ACTA2: variants seen among roughly 807,000 people sequenced by gnomAD.
ACTA2 encodes the protein actin alpha 2, smooth muscle, also known as actin, aortic smooth muscle.
Under a neutral mutation model 39.5 loss-of-function variants are expected in ACTA2, and 12 were observed. The observed-to-expected ratio is 0.30, with a 90% CI of 0.19 to 0.49. The LOEUF (loss-of-function observed/expected upper bound fraction) is 0.49. Ranked by LOEUF, ACTA2 falls within the 20% of genes least tolerant of loss-of-function variation. The pLI, the probability that ACTA2 is intolerant of heterozygous loss-of-function variation, is 0.99. For missense variants in ACTA2, 236 were observed against 498.8 expected, an observed-to-expected ratio of 0.47 and a Z score of 5.02; for synonymous variants, 158 against 180.6, an observed-to-expected ratio of 0.88 and a Z score of 1.00.
upstream of ACTA2, among the ~76,000 whole-genome samples, chr10:88,954,923 A>G (rs1846109448): frequency 6.6e-6 from 1 of 151,724 alleles, no homozygotes; most frequent in Admixed American, 6.6e-5. Flanking sequence ...GTGTGTGCAA[A>G]GATATCTCCA....
At chr10:88,937,756 A>G (rs1013079198) in intron 8 of ACTA2, among the ~76,000 whole-genome samples, 2 of 152,248 alleles carry the variant, frequency 1.3e-5, no homozygotes, top group Non-Finnish European at 2.9e-5. Flanking sequence ...TGTCGAGAAA[A>G]ACAACAAAAT....
intron 8 of ACTA2, among the ~76,000 whole-genome samples, chr10:88,936,979 T>G (rs879548022): frequency 6.6e-6 from 1 of 152,170 alleles, no homozygotes; most frequent in African/African-American, 2.4e-5. Flanking sequence ...ACTCTAGCAA[T>G]AGCCTCTTTC....
At chr10:88,974,540 C>T (rs1017312781) in intron 1 of ACTA2, 1 of 152,056 alleles carries the variant, frequency 6.6e-6, no homozygotes, top group African/African-American at 2.4e-5. Context: ...TTAATAGTAA[C>T]AAGGTCTCAC....
In ACTA2 at chr10:88,939,688, C is replaced by G; in HGVS notation, c.627G>C (p.Glu209Asp). ...GTTTCTCCTTGATGTCCCGGACAAT[C>G]TCACGCTCAGCTGTCAACCAGATAC... ...GYSFVTTAEREIVRDIKEKLC... is the reference protein window; with the variant it reads ...GYSFVTTAERDIVRDIKEKLC... The change falls in exon 7 of 9, where the codon GAG (glutamate) becomes GAC (aspartate). Residue 209 changes from glutamate (E) to aspartate (D), a missense_variant. Physicochemically the swap from Glu to Asp is conservative, Grantham distance 45 (BLOSUM62 2). Transcript: ENST00000224784. 1 of 1,614,026 alleles carries G rather than the reference C, an allele frequency of 6.2e-7. No homozygotes were observed. Among genetic ancestry groups the G allele is most frequent in the Non-Finnish European group, 8.5e-7 (1 of 1,179,952 alleles).
chr10:88,990,742 G>GGGCACT lies in ACTA2; in HGVS notation c.-24+191_-24+196dup. On this transcript the variant is annotated intron_variant, in intron 1 of 4. Coordinates refer to the ACTA2 transcript ENST00000415557. The surrounding 1 kb of genome is among the most constrained non-coding windows in gnomAD (Gnocchi z 4.9). ...GTGACTTGGCTGGAGCCTCAGGGGCGGGCACTGGCACGGAACACACCCTGA... is the reference window on the plus strand; with the variant it reads ...GTGACTTGGCTGGAGCCTCAGGGGCGGGCACTGGCACTGGCACGGAACACACCCTGA... 9.7e-7 allele frequency: 1 copy of GGGCACT among 1,035,172 alleles called. No homozygotes were observed. Among genetic ancestry groups the GGGCACT allele is most frequent in the Non-Finnish European group, 1.5e-6 (1 of 669,764 alleles). The allele number at this position is 1,035,172 out of a possible 1,614,324, so 64.1% of individuals were successfully genotyped here.
chr10:88,950,351 T>G (rs1429403356), intron 1 of ACTA2, among the ~76,000 whole-genome samples: 1 of 152,108 alleles, frequency 6.6e-6, no homozygotes, highest in African/African-American at 2.4e-5. Context: ...CAAATCCATA[T>G]AAAAAAGGCA....
chr10:88,976,382 A>G (rs1846564859), intron 1 of ACTA2, among the ~76,000 whole-genome samples: 1 of 152,242 alleles, frequency 6.6e-6, no homozygotes, highest in Non-Finnish European at 1.5e-5. Context: ...CAGAGTAAAC[A>G]AGGGGAAACT....
chr10:88,963,147 A>G (rs1048171448), intron 1 of ACTA2, among the ~76,000 whole-genome samples: 1 of 151,222 alleles, frequency 6.6e-6, no homozygotes, highest in African/African-American at 2.4e-5. Context: ...GGATTATGGG[A>G]GCTACAATTC....
At chr10:88,962,401 GA>G (rs1317614485) in intron 1 of ACTA2, among the ~76,000 whole-genome samples, 2 of 152,006 alleles carry the variant, frequency 1.3e-5, no homozygotes, top group Non-Finnish European at 2.9e-5. Context: ...TAAATAATAA[GA>G]AAACAAAAGT....
chr10:88,983,670 G>A (rs79743266), intron 1 of ACTA2, among the ~76,000 whole-genome samples: 2,205 of 139,112 alleles, frequency 0.016, 61 homozygotes, highest in African/African-American at 0.057. Context: ...CAAATGTTCT[G>A]GACATTATAT....
chr10:88,947,180 C>G (rs778495896), intron 3 of ACTA2, 78 bp downstream of exon 3: 2 of 1,578,772 alleles, frequency 1.3e-6, no homozygotes, highest in Admixed American at 1.7e-5. Flanking sequence ...ATTTCCCCAG[C>G]AGTAGTGTGG....
At chr10:88,963,535 C>T (rs1846271729) in intron 1 of ACTA2, among the ~76,000 whole-genome samples, 2 of 152,144 alleles carry the variant, frequency 1.3e-5, no homozygotes, top group Admixed American at 6.6e-5. Context: ...CTAGAGGTCA[C>T]TCTGGGAAGT....
chr10:88,989,685 TGA>T (rs1847051670), intron 1 of ACTA2: 1 of 433,050 alleles, frequency 2.3e-6, no homozygotes, highest in Admixed American at 2.7e-5. Flanking sequence ...AAATGTCAAC[TGA>T]GAGGAAGCCT....
intron 6 of ACTA2, 163 bp downstream of exon 6, chr10:88,941,066 A>C: frequency 1.1e-6 from 1 of 879,800 alleles, no homozygotes. Flanking sequence ...TCATTTTGCA[A>C]CTTCACACAG....
At chr10:88,973,190 A>G (rs1846488339) in intron 1 of ACTA2, 1 of 1,612,220 alleles carries the variant, frequency 6.2e-7, no homozygotes, top group Non-Finnish European at 8.5e-7. Context: ...AGATTCAGAA[A>G]TTCCTTTCTG....
At chr10:88,944,560 A>G (rs1845912424) in intron 3 of ACTA2, among the ~76,000 whole-genome samples, 1 of 152,234 alleles carries the variant, frequency 6.6e-6, no homozygotes, top group Non-Finnish European at 1.5e-5. Flanking sequence ...TGCAGTGTAC[A>G]TGAAGAAGAG....
upstream of ACTA2, among the ~76,000 whole-genome samples, chr10:88,955,526 C>T (rs17114339): frequency 7.2e-3 from 1,104 of 152,334 alleles, 26 homozygotes; most frequent in East Asian, 0.092. Context: ...TCTACGCTGG[C>T]ACAATGGCCA....
upstream of ACTA2, among the ~76,000 whole-genome samples, chr10:88,953,892 C>G (rs1307795852): frequency 1.3e-5 from 2 of 152,136 alleles, no homozygotes; most frequent in Non-Finnish European, 2.9e-5. Flanking sequence ...GAGGCCTCCC[C>G]AGCCATGCAG....
At chr10:88,953,837 T>A (rs1846090973), upstream of ACTA2, among the ~76,000 whole-genome samples, 1 of 152,196 alleles carries the variant, frequency 6.6e-6, no homozygotes, top group African/African-American at 2.4e-5. Flanking sequence ...CCTGCTGCCA[T>A]GTAAGACACG....
Sources: gnomAD v4.1 joint callset for allele counts (sites outside exome capture counted in the v4.1 genomes callset) on GRCh38, gnomAD v4.1.1 for gene constraint, Gnocchi (gnomAD v3.1) non-coding constraint, MANE v1.5 for transcripts, NCBI Gene and HGNC (gene_info 2026-07-23, HGNC 2026-07-21) for gene names.